The following AMOT variants were observed in gnomAD, a reference collection of about 807,000 sequenced individuals.
AMOT encodes the protein angiomotin.
Under a neutral mutation model 67.0 loss-of-function variants are expected in AMOT, and 11 were observed. That is an observed-to-expected ratio of 0.16 (90% confidence interval 0.10 to 0.27). AMOT has a LOEUF of 0.27. AMOT is among the 10% of genes least tolerant of loss of function. AMOT has a pLI of 1.00. For synonymous variants in AMOT, 326 were observed against 321.4 expected (o/e 1.01, Z -0.15); for missense variants, 753 against 852.0 (o/e 0.88, Z 1.45).
chrX:112,840,142 G>T (rs1935254911), intron 1 of AMOT, among the ~76,000 whole-genome samples: 1 of 110,730 alleles, frequency 9.0e-6, no homozygotes, highest in Non-Finnish European at 1.9e-5. Context: ...CGGGTCTTTA[G>T]CTCCTCAATG....
chrX:112,794,441 C>T (rs1370106124), intron 8 of AMOT, among the ~76,000 whole-genome samples: 1 of 111,659 alleles, frequency 9.0e-6, no homozygotes, highest in Non-Finnish European at 1.9e-5. Context: ...AGTTTTCCCA[C>T]CTCATTTAAA....
Position 112,822,310 on chromosome X carries a change from T to G in AMOT, c.817A>C (p.Arg273=). 2 of 1,127,753 alleles carry G rather than the reference T, an allele frequency of 1.8e-6. No homozygotes were observed. The highest frequency in any genetic ancestry group is 2.3e-6 in the Non-Finnish European group (2 of 852,560). The allele number at this position is 1,127,753 out of a possible 1,213,427, so 92.9% of individuals were successfully genotyped here. A position where few individuals can be genotyped will look rare whatever the true frequency, so the allele number is the denominator to read the frequency against. The change falls in exon 4 of 14, where the codon AGA becomes CGA. Residue 273 remains arginine, a synonymous_variant. Transcript: ENST00000371959. The stretch of plus-strand genomic sequence containing the variant: ...TACCTCATCAGTTGCCCCTCTGTTC[T>G]CCCTGGCTGGTTCAGGCGATGCTCA... The part of the protein sequence containing the change: ...YSEHRLNQPG[R]TEGQLMRYQH...
Position 112,779,328 on chromosome X carries a change from A to C in AMOT, c.2826T>G (p.Ala942=). ...CAGCAGCTGGAATCTGACCAGCAGCAGCTGGAGAAACAGCAGCAGCAGTAG... is the reference window on the plus strand; with the variant it reads ...CAGCAGCTGGAATCTGACCAGCAGCCGCTGGAGAAACAGCAGCAGCAGTAG... ...AAATAAAVSP[A]AAGQIPAAAS... The change falls in exon 13 of 14, where the codon GCT becomes GCG. Residue 942 remains alanine, a synonymous_variant. Transcript: ENST00000371959. The C allele has an allele frequency of 1.3e-6, 1 of 777,494 alleles. No homozygotes were observed. Among genetic ancestry groups the C allele is most frequent in the Non-Finnish European group, 1.9e-6 (1 of 516,804 alleles). 64.1% of individuals were successfully genotyped at this position (777,494 alleles called of 1,213,427 possible). A position where few individuals can be genotyped will look rare whatever the true frequency, so the allele number is the denominator to read the frequency against.
chrX:112,778,464 C>T lies in AMOT; in HGVS notation c.*103G>A, dbSNP rs1165053117. On this transcript the variant is annotated 3_prime_UTR_variant, in exon 14 of 14. Transcript: ENST00000371959. ...AAAAAGTCCTGTTAAAAAACATCCC[C>T]TCCCCACAACCCTTGTCCTCACCCT... is the stretch of plus-strand genomic sequence containing the variant. 1.1e-5 allele frequency: 8 copies of T among 736,027 alleles called. No individual in the cohort carries two copies. The allele number at this position is 736,027 out of a possible 1,213,427, so 60.7% of individuals were successfully genotyped here. A position where few individuals can be genotyped will look rare whatever the true frequency, so the allele number is the denominator to read the frequency against.
intron 2 of AMOT, among the ~76,000 whole-genome samples, chrX:112,827,526 T>C (rs779671066): frequency 1.8e-5 from 2 of 112,176 alleles, no homozygotes; most frequent in Non-Finnish European, 3.8e-5. Context: ...AATAACCTTG[T>C]TTGTCCTGGG....
intron 1 of AMOT, among the ~76,000 whole-genome samples, chrX:112,838,848 A>G (rs764118558): frequency 1.1e-4 from 12 of 112,359 alleles, no homozygotes; most frequent in Non-Finnish European, 1.7e-4. Context: ...AGTAATTTAA[A>G]ATGAAGTATG....
Position 112,814,226 on chromosome X carries a change from C to T in AMOT, c.1392+1132G>A, listed in dbSNP as rs749727349. ...GGCGGAAGTTGCAGTGAGTGGAGAT[C>T]GTGCCATTGCACTGCAGGCTAGGTA... On this transcript the variant is annotated intron_variant, in intron 5 of 13. Transcript: ENST00000371959. 7.5e-5 allele frequency among the ~76,000 whole-genome samples: 8 copies of T among 107,211 alleles called. No individual in the cohort carries two copies. The South Asian group carries it at 1.7e-3, about 22-fold the overall frequency. The allele number at this position is 107,211 out of a possible 115,157, so 93.1% of individuals were successfully genotyped here.
At chrX:112,810,042 C>G in intron 6 of AMOT, 56 bp from the exon 7 acceptor site, 1 of 971,783 alleles carries the variant, frequency 1.0e-6, no homozygotes. Flanking sequence ...CATGCACATA[C>G]TATTGGCCCT....
intron 8 of AMOT, among the ~76,000 whole-genome samples, chrX:112,803,790 A>G (rs894203099): frequency 1.1e-4 from 12 of 112,815 alleles, no homozygotes; most frequent in Non-Finnish European, 5.6e-5. Context: ...CTCATATACA[A>G]TAGCCAGAAT....
chrX:112,807,938 G>A (rs915161906), intron 7 of AMOT, among the ~76,000 whole-genome samples: 5 of 111,520 alleles, frequency 4.5e-5, no homozygotes, highest in African/African-American at 1.6e-4. Flanking sequence ...ATAACTACAG[G>A]GGACCATGAC....
chrX:112,833,117 C>T (rs549520000), intron 1 of AMOT, among the ~76,000 whole-genome samples: 16 of 111,707 alleles, frequency 1.4e-4, no homozygotes, highest in South Asian at 7.6e-4. Flanking sequence ...ACACCTACAC[C>T]GTGGGCACAG....
In AMOT at chrX:112,823,033, G is replaced by A. The variant is rs1569404745; in HGVS notation, c.94C>T (p.Arg32Cys). Residue 32 changes from arginine (R) to cysteine (C), a missense_variant, in exon 4 of 14, where the codon CGC (arginine) becomes TGC (cysteine). By Grantham distance (180) the Arg-to-Cys change is radical. Around this residue, in one of 5 missense-constraint regions of AMOT, gnomAD observed 118 missense variants for 125.9 expected, o/e 0.94. Transcript: ENST00000371959. ...TGCTGGTGTATGGCAAGCAGGCTGC[G>A]ATTCTCACTAGGATTGCCATAGCGA... ...QLRYGNPSEN[R>C]SLLAIHQQAT... The A allele has an allele frequency of 4.3e-6, 5 of 1,165,573 alleles. No individual in the cohort carries two copies. The highest frequency in any genetic ancestry group is 5.7e-6 in the Non-Finnish European group (5 of 872,736).
chrX:112,782,704 G>C, intron 10 of AMOT, 42 bp from the exon 11 acceptor site: 2 of 1,173,907 alleles, frequency 1.7e-6, no homozygotes, highest in Non-Finnish European at 2.3e-6. Context: ...AGCATAGCAA[G>C]ATCAATGAAT....
chrX:112,797,456 A>G (rs1156745544), intron 8 of AMOT, among the ~76,000 whole-genome samples: 1 of 111,625 alleles, frequency 9.0e-6, no homozygotes, highest in Non-Finnish European at 1.9e-5. Context: ...GACAGCTGCT[A>G]TAACAGACTT....
chrX:112,784,004 A>G (rs908706018), intron 10 of AMOT, among the ~76,000 whole-genome samples: 9 of 111,594 alleles, frequency 8.1e-5, no homozygotes, highest in African/African-American at 2.9e-4. Context: ...GTGAGCCTCT[A>G]TAAAATTACT....
intron 7 of AMOT, among the ~76,000 whole-genome samples, chrX:112,806,007 C>A (rs748321149): frequency 9.0e-6 from 1 of 111,050 alleles, no homozygotes; most frequent in Admixed American, 9.6e-5. Flanking sequence ...GTGGCTCATG[C>A]CTGTAATCCC....
At chrX:112,817,466 A>T (rs1413723121) in intron 4 of AMOT, among the ~76,000 whole-genome samples, 1 of 112,305 alleles carries the variant, frequency 8.9e-6, no homozygotes, top group Non-Finnish European at 1.9e-5. Flanking sequence ...GCTAAAGCAC[A>T]TTCCTCAGAC....
chrX:112,788,112 A>G (rs769398947), intron 10 of AMOT, among the ~76,000 whole-genome samples: 57 of 109,761 alleles, frequency 5.2e-4, no homozygotes, highest in Non-Finnish European at 8.7e-4. Flanking sequence ...ACACAATGAA[A>G]CCCTGTCTCT....
rs1453203209 is a variant in AMOT at position 112,822,682 on chromosome X, CTGA to C, written c.442_444del (p.Ser148del). 8.6e-7 allele frequency: 1 copy of C among 1,164,497 alleles called. No homozygotes were observed. Among genetic ancestry groups the C allele is most frequent in the Non-Finnish European group, 1.1e-6 (1 of 872,680 alleles). ...ATCTTTCCAGGATTGAGCCGCTGAA[CTGA>C]TGGGCGTCCCTCAGTCCTCATCTTC... is the stretch of plus-strand genomic sequence containing the variant. On this transcript the variant is annotated inframe_deletion, in exon 4 of 14. Transcript: ENST00000371959.
Sources: gnomAD v4.1 joint callset for allele counts (sites outside exome capture counted in the v4.1 genomes callset) on GRCh38, gnomAD v4.1.1 for gene constraint, gnomAD v4.1.1 regional missense constraint, MANE v1.5 for transcripts, NCBI Gene and HGNC (gene_info 2026-07-23, HGNC 2026-07-21) for gene names.